The following PTAFR variants were observed in gnomAD, a reference collection of about 807,000 sequenced individuals.
PTAFR encodes the protein platelet-activating factor receptor.
In PTAFR, 8 loss-of-function variants were observed where a neutral mutation model predicts 14.7. The ratio of observed to expected loss-of-function variants is 0.54; its 90% CI spans 0.32 to 0.98. The LOEUF (loss-of-function observed/expected upper bound fraction) is 0.98, where lower values mean the gene tolerates loss of function less well. PTAFR is among the 50% of genes least tolerant of loss of function. The probability of loss-of-function intolerance (pLI) is 0.04; values close to 1 mark genes in which losing one functional copy is unlikely to be tolerated. For missense variants in PTAFR, 337 were observed against 451.2 expected (o/e 0.75, Z 2.29); for synonymous variants, 156 against 176.5 (o/e 0.88, Z 0.92).
intron 1 of PTAFR, among the ~76,000 whole-genome samples, chr1:28,154,552 C>T (rs1201054383): frequency 2.0e-5 from 3 of 152,138 alleles, no homozygotes; most frequent in Admixed American, 2.0e-4. Context: ...TGGCTCACGC[C>T]TGTAATCCTA....
chr1:28,188,817 A>C (rs1373409542), intron 1 of PTAFR, among the ~76,000 whole-genome samples: 1 of 152,244 alleles, frequency 6.6e-6, no homozygotes, highest in Non-Finnish European at 1.5e-5. Context: ...CAGGCATTGC[A>C]TAATATAAAT....
intron 1 of PTAFR, among the ~76,000 whole-genome samples, chr1:28,189,336 G>A (rs187182102): frequency 3.9e-4 from 60 of 152,112 alleles, no homozygotes; most frequent in Admixed American, 2.9e-3. Flanking sequence ...TAATGCGGCC[G>A]GGCATGGTTG....
At chr1:28,165,470 T>G (rs1036330769) in intron 1 of PTAFR, among the ~76,000 whole-genome samples, 3 of 146,562 alleles carry the variant, frequency 2.0e-5, no homozygotes, top group Non-Finnish European at 3.0e-5. Context: ...GGCAAAAGAC[T>G]TGTACATTGA....
chr1:28,159,501 G>T (rs892457437), intron 1 of PTAFR, among the ~76,000 whole-genome samples: 7 of 152,132 alleles, frequency 4.6e-5, no homozygotes, highest in African/African-American at 1.7e-4. Context: ...GGGTTGAGGG[G>T]TGAGTGATAG....
chr1:28,157,630 A>AT (rs1197395346), intron 1 of PTAFR, among the ~76,000 whole-genome samples: 3,314 of 131,084 alleles, frequency 0.025, 97 homozygotes, highest in African/African-American at 0.07. Context: ...ATTAATTTTG[A>AT]TTTTTTTTTT....
At chr1:28,167,217 T>A (rs1034207683) in intron 1 of PTAFR, among the ~76,000 whole-genome samples, 2 of 152,022 alleles carry the variant, frequency 1.3e-5, no homozygotes, top group East Asian at 1.9e-4. Context: ...GAACCAGATA[T>A]CAGATAAGGG....
intron 1 of PTAFR, among the ~76,000 whole-genome samples, chr1:28,159,212 C>G (rs138986300): frequency 5.9e-5 from 9 of 152,106 alleles, no homozygotes; most frequent in Non-Finnish European, 1.0e-4. Context: ...CCAAAAGGAC[C>G]AGGGTTAAAC....
intron 1 of PTAFR, among the ~76,000 whole-genome samples, 175 bp downstream of exon 1, chr1:28,176,417 T>C (rs984017445): frequency 7.8e-6 from 1 of 128,872 alleles, no homozygotes; most frequent in Non-Finnish European, 1.5e-5. Flanking sequence ...CACTTCTGCC[T>C]GGACAACAGA....
rs575998650 is a variant in PTAFR, at chr1:28,174,098, A to G, written c.-39+2494T>C. 5.9e-5 allele frequency among the ~76,000 whole-genome samples: 9 copies of G among 152,220 alleles called. No individual in the cohort carries two copies. In the East Asian group the frequency reaches 1.7e-3, roughly 29 times the overall value. Reference sequence around the variant, plus strand: ...ACACATGCACACACAAAGACACACCAGAGGCTTCTCCCCGCTCTCATCATG... The same window carrying G: ...ACACATGCACACACAAAGACACACCGGAGGCTTCTCCCCGCTCTCATCATG... On this transcript the variant is annotated intron_variant, in intron 1 of 1. Coordinates refer to ENST00000373857, the MANE Select transcript of PTAFR (RefSeq NM_000952.5).
Position 28,172,370 on chromosome 1 carries a change from G to C in PTAFR, c.-39+4222C>G, listed in dbSNP as rs17162977. Among the ~76,000 whole-genome samples, 1,391 of 152,254 alleles carry C rather than the reference G, an allele frequency of 9.1e-3. 24 individuals carry two copies. The highest frequency in any genetic ancestry group is 0.031 in the African/African-American group (1,305 of 41,544). On this transcript the variant is annotated intron_variant, in intron 1 of 1. Transcript: ENST00000373857. ...ACATCTTCCCAGCCTGGGAGTTCCT[G>C]AGTCCTGCTGGTGTCCTCGTGGCCA...
At chr1:28,180,051 G>A (rs1025185021), upstream of PTAFR, among the ~76,000 whole-genome samples, 4 of 152,180 alleles carry the variant, frequency 2.6e-5, no homozygotes, top group Non-Finnish European at 1.5e-5. Context: ...GCTCATGCCT[G>A]TAATCCCAAC....
In PTAFR at chr1:28,149,777, T is replaced by C; in HGVS notation, c.*216A>G. On this transcript the variant is annotated 3_prime_UTR_variant, in exon 2 of 2. Transcript: ENST00000373857. ...AAGTCATCAGTCACAGTTACTGTAG[T>C]ATGCGCCCACAGGCGGATGAAGGGG... 2 of 587,062 alleles carry C rather than the reference T, an allele frequency of 3.4e-6. No individual in the cohort carries two copies. Among genetic ancestry groups the C allele is most frequent in the East Asian group, 2.9e-5 (1 of 34,230 alleles). The allele number at this position is 587,062 out of a possible 1,614,324, so 36.4% of individuals were successfully genotyped here. A position where few individuals can be genotyped will look rare whatever the true frequency, so the allele number is the denominator to read the frequency against.
At chr1:28,156,447 T>A (rs1251461375) in intron 1 of PTAFR, among the ~76,000 whole-genome samples, 1 of 152,166 alleles carries the variant, frequency 6.6e-6, no homozygotes, top group East Asian at 1.9e-4. Context: ...TAAAGAGATG[T>A]GTAAAAAATG....
At chr1:28,191,754 T>C (rs2456267) in intron 1 of PTAFR, among the ~76,000 whole-genome samples, 49,861 of 148,134 alleles carry the variant, frequency 0.34, 8,926 homozygotes, top group African/African-American at 0.46. Flanking sequence ...CTCTCTCTCT[T>C]TTTTTTTTTT....
Position 28,150,976 on chromosome 1 carries a change from T to C in PTAFR, c.46A>G (p.Thr16Ala). The C allele has an allele frequency of 1.2e-6, 2 of 1,610,308 alleles. No individual in the cohort carries two copies. Residue 16 changes from threonine (T) to alanine (A), a missense_variant, in exon 2 of 2, where the codon ACT (threonine) becomes GCT (alanine). Transcript: ENST00000373857. This position sits in a 1 kb window ranked among gnomAD's most constrained non-coding sequence, Gnocchi z 6.3. ...SSHMDSEFRY[T>A]LFPIVYSIIF... is the part of the protein sequence containing the mutation. ...ATGCTGTAAACAATCGGGAAGAGAG[T>C]GTATCGGAACTCAGAGTCCATGTGG...
intron 1 of PTAFR, among the ~76,000 whole-genome samples, chr1:28,190,181 A>G (rs1646641394): frequency 6.6e-6 from 1 of 150,460 alleles, no homozygotes; most frequent in Admixed American, 6.7e-5. Context: ...CATGTTGGTC[A>G]CGCTGGTCTC....
At chr1:28,192,170 A>G (rs1193810104) in intron 1 of PTAFR, among the ~76,000 whole-genome samples, 3 of 152,142 alleles carry the variant, frequency 2.0e-5, no homozygotes, top group Non-Finnish European at 4.4e-5. Context: ...GTTGTGGTAC[A>G]TTAGGCAAGT....
At chr1:28,153,581 C>CAAA (rs36049566) in intron 1 of PTAFR, among the ~76,000 whole-genome samples, 181 of 61,456 alleles carry the variant, frequency 2.9e-3, no homozygotes, top group Non-Finnish European at 3.6e-3. Context: ...CCTGTCTCTA[C>CAAA]AAAAAAAAAA....
At chr1:28,174,360 A>G (rs1646489143) in intron 1 of PTAFR, among the ~76,000 whole-genome samples, 1 of 152,058 alleles carries the variant, frequency 6.6e-6, no homozygotes, top group Non-Finnish European at 1.5e-5. Flanking sequence ...ATCCTCTTCA[A>G]CAAGGCCTCC....
Sources: gnomAD v4.1 joint callset for allele counts (sites outside exome capture counted in the v4.1 genomes callset) on GRCh38, gnomAD v4.1.1 for gene constraint, Gnocchi (gnomAD v3.1) non-coding constraint, MANE v1.5 for transcripts, NCBI Gene and HGNC (gene_info 2026-07-23, HGNC 2026-07-21) for gene names.